CAPN3: variants seen among roughly 807,000 people sequenced by gnomAD.
CAPN3 encodes the protein calpain 3, also known as calpain-3.
CAPN3 carries 88 observed loss-of-function variants against 114.0 expected under a neutral mutation model. That is an observed-to-expected ratio of 0.77 (90% CI 0.65 to 0.92). The LOEUF (loss-of-function observed/expected upper bound fraction) is 0.92, where lower values mean the gene tolerates loss of function less well. CAPN3 is among the 40% of genes least tolerant of loss of function. The pLI, the probability that CAPN3 is intolerant of heterozygous loss-of-function variation, is 0.00. For synonymous variants in CAPN3, 386 were observed against 382.9 expected (o/e 1.01, Z -0.09); for missense variants, 1,028 against 1,069.0 (o/e 0.96, Z 0.53).
intron 1 of CAPN3, among the ~76,000 whole-genome samples, chr15:42,363,551 C>T (rs544989913): frequency 4.6e-5 from 7 of 152,288 alleles, no homozygotes; most frequent in African/African-American, 1.7e-4. Flanking sequence ...TTCTGTCTTT[C>T]TCTGGGAAGC....
rs1362229535 is a variant in CAPN3, at chr15:42,408,330, T to C, written c.1914+6T>C. 1 of 1,587,954 alleles carries C rather than the reference T, an allele frequency of 6.3e-7. No individual in the cohort carries two copies. The highest frequency in any genetic ancestry group is 8.6e-7 in the Non-Finnish European group (1 of 1,156,434). ...AGCAAAAGCAGTCCCCACAGGTGTC[T>C]GGGCATGTGGCATGGGTGGGGTGGC... On this transcript the variant is annotated splice_donor_region_variant and intron_variant, in intron 16 of 23. Coordinates refer to ENST00000397163, the MANE Select transcript of CAPN3 (RefSeq NM_000070.3).
At chr15:42,397,050 G>A (rs1009388780) in intron 9 of CAPN3, among the ~76,000 whole-genome samples, 173 bp downstream of exon 9, 7 of 152,166 alleles carry the variant, frequency 4.6e-5, no homozygotes, top group Admixed American at 3.3e-4. Context: ...AGCCTTCCAG[G>A]CCACAGGGAC....
Position 42,408,322 on chromosome 15 carries a change from C to G in CAPN3, c.1912C>G (p.Gln638Glu). The change falls in exon 16 of 24, where the codon CAG becomes GAG. Residue 638 changes from glutamine to glutamate, a missense_variant and splice_region_variant. Physicochemically the swap from Gln to Glu is conservative, Grantham distance 29 (BLOSUM62 2). Coordinates refer to ENST00000397163, the MANE Select transcript of CAPN3 (RefSeq NM_000070.3). ...TSPDKQKQSP[Q>E]PQPGSSDQES... ...CCCTGATAAGCAAAAGCAGTCCCCA[C>G]AGGTGTCTGGGCATGTGGCATGGGT... is the stretch of plus-strand genomic sequence containing the variant. 2.5e-6 allele frequency: 4 copies of G among 1,606,806 alleles called. No homozygotes were observed. The highest frequency in any genetic ancestry group is 3.4e-6 in the Non-Finnish European group (4 of 1,173,468).
intron 1 of CAPN3, among the ~76,000 whole-genome samples, chr15:42,372,735 CTA>C (rs1317908636): frequency 6.6e-6 from 1 of 151,810 alleles, no homozygotes; most frequent in Non-Finnish European, 1.5e-5. Flanking sequence ...GTAATCCCAG[CTA>C]CTTGGGAGGC....
chr15:42,405,830 C>A, intron 14 of CAPN3, 96 bp from the exon 15 acceptor site: 3 of 967,158 alleles, frequency 3.1e-6, no homozygotes, highest in Non-Finnish European at 5.0e-6. Context: ...CCACCCCAAG[C>A]TAAAGACCAG....
chr15:42,373,156 G>A (rs572603931), intron 1 of CAPN3, among the ~76,000 whole-genome samples: 12 of 152,192 alleles, frequency 7.9e-5, no homozygotes, highest in South Asian at 2.1e-4. Context: ...TCATGCCACC[G>A]CACTCCAGCC....
intron 1 of CAPN3, among the ~76,000 whole-genome samples, chr15:42,377,336 G>A (rs1210483950): frequency 1.3e-5 from 2 of 152,058 alleles, no homozygotes. Flanking sequence ...ACCAAGTTGA[G>A]GACATTCTCC....
chr15:42,375,937 G>A (rs2053078715), intron 1 of CAPN3, among the ~76,000 whole-genome samples: 1 of 152,176 alleles, frequency 6.6e-6, no homozygotes, highest in Non-Finnish European at 1.5e-5. Context: ...TCTCTTGGCT[G>A]TGACAGTATC....
At chr15:42,385,616 C>T (rs1198558955) in intron 2 of CAPN3, 1 of 512,494 alleles carries the variant, frequency 2.0e-6, no homozygotes, top group Non-Finnish European at 3.9e-6. Context: ...AAAAGAGGTT[C>T]AGAGAATAAG....
At chr15:42,402,386 C>A in intron 12 of CAPN3, 4 of 1,448,476 alleles carry the variant, frequency 2.8e-6, no homozygotes, top group Non-Finnish European at 3.6e-6. Context: ...CCTTTGCACA[C>A]TCACCCTCCT....
intron 16 of CAPN3, 33 bp from the exon 17 acceptor site, chr15:42,409,270 C>G (rs1355817003): frequency 1.2e-6 from 2 of 1,609,234 alleles, no homozygotes; most frequent in Non-Finnish European, 1.7e-6. Flanking sequence ...ACCTCTGACC[C>G]CTGTGAACCA....
chr15:42,361,867 T>C (rs1180668898), intron 1 of CAPN3, among the ~76,000 whole-genome samples: 1 of 152,256 alleles, frequency 6.6e-6, no homozygotes, highest in Non-Finnish European at 1.5e-5. Flanking sequence ...TCATGCTGTC[T>C]GTCTGCCTGA....
intron 17 of CAPN3, 64 bp from the exon 18 acceptor site, chr15:42,409,723 A>C (rs1455621368): frequency 4.2e-6 from 6 of 1,441,530 alleles, no homozygotes; most frequent in Non-Finnish European, 5.9e-6. Flanking sequence ...TTTGTTTTGC[A>C]AAGTGTCCGC....
intron 1 of CAPN3, among the ~76,000 whole-genome samples, chr15:42,380,708 G>T (rs1191267298): frequency 7.2e-6 from 1 of 139,574 alleles, no homozygotes; most frequent in East Asian, 2.0e-4. Context: ...TTCAAACGGG[G>T]TCTCTCCCCC....
chr15:42,408,978 G>C, intron 16 of CAPN3: 1 of 398,276 alleles, frequency 2.5e-6, no homozygotes, highest in South Asian at 2.4e-5. Flanking sequence ...GACCTTCTTT[G>C]ACCTGCGGGC....
intron 10 of CAPN3, among the ~76,000 whole-genome samples, chr15:42,401,188 C>T (rs928393176): frequency 2.7e-5 from 4 of 150,852 alleles, no homozygotes; most frequent in East Asian, 1.9e-4. Context: ...AGCCAGACTC[C>T]GTCTCAAAAA....
At chr15:42,382,899 T>C (rs2053287916) in intron 1 of CAPN3, among the ~76,000 whole-genome samples, 1 of 152,228 alleles carries the variant, frequency 6.6e-6, no homozygotes, top group Non-Finnish European at 1.5e-5. Flanking sequence ...TTTAAAATAA[T>C]TTTTTCTTTA....
At chr15:42,382,669 A>G (rs2053282649) in intron 1 of CAPN3, among the ~76,000 whole-genome samples, 2 of 152,088 alleles carry the variant, frequency 1.3e-5, no homozygotes, top group Admixed American at 1.3e-4. Flanking sequence ...ACACCTGGAC[A>G]ATATTATTAT....
chr15:42,409,883 G>GGGGGGCCC, intron 18 of CAPN3, 39 bp downstream of exon 18: 1 of 559,670 alleles, frequency 1.8e-6, no homozygotes, highest in Non-Finnish European at 3.5e-6. Flanking sequence ...GGTGGGTGGG[G>GGGGGGCCC]AGTCCCGTTG....
Sources: allele counts gnomAD v4.1 joint callset (sites outside exome capture counted in the v4.1 genomes callset), GRCh38; gene constraint gnomAD v4.1.1; transcripts MANE v1.5; gene names NCBI Gene and HGNC (gene_info 2026-07-23, HGNC 2026-07-21).